The following INTS4 variants were observed in gnomAD, a reference collection of about 807,000 sequenced individuals.
INTS4 encodes MSTP093.
Under a neutral mutation model 119.5 loss-of-function variants are expected in INTS4, and 70 were observed. The observed-to-expected ratio is 0.59, with a 90% CI of 0.48 to 0.71. The LOEUF (loss-of-function observed/expected upper bound fraction) is 0.71, where lower values mean the gene tolerates loss of function less well. Ranked by LOEUF, INTS4 falls within the 30% of genes least tolerant of loss-of-function variation. The probability of loss-of-function intolerance (pLI) is 0.00; values close to 1 mark genes in which losing one functional copy is unlikely to be tolerated. For missense variants in INTS4, 867 were observed against 1,173.2 expected (o/e 0.74, Z 3.81); for synonymous variants, 316 against 419.6 (o/e 0.75, Z 3.02).
At chr11:77,976,666 G>C (rs530867165) in intron 4 of INTS4, among the ~76,000 whole-genome samples, 1 of 152,242 alleles carries the variant, frequency 6.6e-6, no homozygotes, top group East Asian at 1.9e-4. Context: ...GCAAAGACTT[G>C]GAACCAACCC....
chr11:77,972,997 T>C (rs1381439653), intron 4 of INTS4, among the ~76,000 whole-genome samples: 1 of 151,658 alleles, frequency 6.6e-6, no homozygotes, highest in Non-Finnish European at 1.5e-5. Context: ...AGTGCCACCA[T>C]ACCTGACTAA....
At chr11:77,898,698 G>C (rs898994813) in intron 18 of INTS4, among the ~76,000 whole-genome samples, 2 of 152,172 alleles carry the variant, frequency 1.3e-5, no homozygotes, top group East Asian at 3.8e-4. Flanking sequence ...TATAATGGAT[G>C]TGACAGACAC....
chr11:77,878,090 C>T (rs114915467), downstream of INTS4, among the ~76,000 whole-genome samples: 4 of 152,236 alleles, frequency 2.6e-5, no homozygotes, highest in South Asian at 4.1e-4. Flanking sequence ...AAGCAAGGCG[C>T]GGTTGCTCAC....
intron 1 of INTS4, among the ~76,000 whole-genome samples, chr11:77,993,171 T>A (rs1325423607): frequency 6.6e-6 from 1 of 152,210 alleles, no homozygotes; most frequent in Non-Finnish European, 1.5e-5. Context: ...GACACGGAGA[T>A]GAGCCAGGCA....
intron 18 of INTS4, among the ~76,000 whole-genome samples, chr11:77,896,867 G>A (rs1952547941): frequency 2.0e-5 from 3 of 150,450 alleles, no homozygotes; most frequent in African/African-American, 7.3e-5. Context: ...CCGAAGATCA[G>A]CAAGAATATT....
chr11:77,939,221 T>C (rs762408050), intron 9 of INTS4, among the ~76,000 whole-genome samples: 15 of 152,196 alleles, frequency 9.9e-5, no homozygotes, highest in Admixed American at 3.3e-4. Context: ...CTCACACCTG[T>C]AATCCCAGCA....
Position 77,918,834 on chromosome 11 carries a change from C to T in INTS4, c.1909G>A (p.Glu637Lys), listed in dbSNP as rs139356522. 1.2e-6 allele frequency: 2 copies of T among 1,613,190 alleles called. No individual in the cohort carries two copies. Among genetic ancestry groups the T allele is most frequent in the African/African-American group, 2.7e-5 (2 of 74,902 alleles). ...TGATTACCCTACCTGATGGTGAATT[C>T]CAGCAGCTCCTGGGCTCCCTGAGGG... is the stretch of plus-strand genomic sequence containing the variant. ...LDPQGAQELLEFTIRDLQRLG... is the reference protein window; with the variant it reads ...LDPQGAQELLKFTIRDLQRLG... The change falls in exon 15 of 23, where the codon GAA becomes AAA. Residue 637 changes from glutamate (E) to lysine (K), a missense_variant. Around this residue, in one of 5 missense-constraint regions of INTS4, gnomAD observed 262 missense variants for 376.0 expected, o/e 0.70. Transcript: ENST00000534064.
At chr11:77,900,370 A>G (rs1952736076) in intron 18 of INTS4, among the ~76,000 whole-genome samples, 1 of 152,170 alleles carries the variant, frequency 6.6e-6, no homozygotes, top group Non-Finnish European at 1.5e-5. Context: ...AAGTGCTGGG[A>G]TTACAGGTGT....
At chr11:77,956,544 T>C (rs1373411336) in intron 7 of INTS4, among the ~76,000 whole-genome samples, 2 of 151,810 alleles carry the variant, frequency 1.3e-5, no homozygotes, top group Admixed American at 6.6e-5. Flanking sequence ...TCCTCTCTAC[T>C]AAAAATATAA....
chr11:77,993,436 G>A lies in INTS4; in HGVS notation c.54+1154C>T, dbSNP rs938091489. 2.6e-5 allele frequency among the ~76,000 whole-genome samples: 4 copies of A among 152,276 alleles called. No individual in the cohort carries two copies. The East Asian group carries it at 7.7e-4, about 29-fold the overall frequency. ...GAGACAACCAGTGCAAGAGTTTTGA[G>A]ATATGCAAACACAAGAACACATGGC... On this transcript the variant is annotated intron_variant, in intron 1 of 22. Coordinates refer to ENST00000534064, the MANE Select transcript of INTS4 (RefSeq NM_033547.4).
At chr11:77,982,506 G>A (rs1057307504) in intron 2 of INTS4, among the ~76,000 whole-genome samples, 2 of 152,126 alleles carry the variant, frequency 1.3e-5, no homozygotes, top group African/African-American at 4.8e-5. Flanking sequence ...CTGTCTGAGT[G>A]TAAGTCTTGT....
chr11:77,932,964 G>T (rs190074298), intron 10 of INTS4, among the ~76,000 whole-genome samples: 8 of 146,642 alleles, frequency 5.5e-5, no homozygotes, highest in Non-Finnish European at 7.5e-5. Context: ...GTCAGGGGGT[G>T]GGGGGCTGGG....
chr11:77,983,887 C>T (rs746602302), intron 2 of INTS4, among the ~76,000 whole-genome samples: 1 of 152,002 alleles, frequency 6.6e-6, no homozygotes, highest in Non-Finnish European at 1.5e-5. Context: ...TGGGTATATA[C>T]TCAAAAAAAT....
At chr11:77,877,025 C>A, downstream of INTS4, 1 of 703,118 alleles carries the variant, frequency 1.4e-6, no homozygotes, top group South Asian at 1.5e-5. Flanking sequence ...AGCTTCATGG[C>A]ACATCCTTGA....
chr11:77,918,908 T>C lies in INTS4; in HGVS notation c.1835A>G (p.Gln612Arg). ...TCTTTCAAGGCTCTGCTGCAGGAAC[T>C]GCTGGGAAGGATCCTCTTGAGGTAT... ...SIIPQEDPSQQFLQQSLERVY... is the reference protein window; with the variant it reads ...SIIPQEDPSQRFLQQSLERVY... Residue 612 changes from glutamine to arginine, a missense_variant, in exon 15 of 23, where the codon CAG (glutamine) becomes CGG (arginine). Around this residue, in one of 5 missense-constraint regions of INTS4, gnomAD observed 262 missense variants for 376.0 expected, o/e 0.70. Coordinates refer to ENST00000534064, the MANE Select transcript of INTS4 (RefSeq NM_033547.4). 1.2e-6 allele frequency: 2 copies of C among 1,613,964 alleles called. No individual in the cohort carries two copies. The highest frequency in any genetic ancestry group is 1.7e-6 in the Non-Finnish European group (2 of 1,179,884).
intron 4 of INTS4, among the ~76,000 whole-genome samples, chr11:77,961,520 T>C (rs1954476561): frequency 6.6e-6 from 1 of 152,172 alleles, no homozygotes; most frequent in Non-Finnish European, 1.5e-5. Flanking sequence ...CATAGAAATA[T>C]GCAAAATCTT....
chr11:77,950,127 A>G (rs1051498395), intron 8 of INTS4, among the ~76,000 whole-genome samples: 5 of 152,122 alleles, frequency 3.3e-5, no homozygotes, highest in African/African-American at 1.2e-4. Flanking sequence ...ACAGAAAACC[A>G]AATACCGCAT....
chr11:77,916,360 C>G (rs183159452), intron 15 of INTS4, among the ~76,000 whole-genome samples: 2 of 152,314 alleles, frequency 1.3e-5, no homozygotes, highest in East Asian at 3.9e-4. Context: ...GGCTACAAAT[C>G]TGTACAGCAT....
At chr11:77,901,347 G>A (rs1952771464) in intron 18 of INTS4, 74 bp downstream of exon 18, 9 of 1,439,108 alleles carry the variant, frequency 6.3e-6, no homozygotes, top group South Asian at 1.2e-5. Context: ...ATTAACTTTC[G>A]TGTGATGTCT....
Sources: gnomAD v4.1 joint callset for allele counts (sites outside exome capture counted in the v4.1 genomes callset) on GRCh38, gnomAD v4.1.1 for gene constraint, gnomAD v4.1.1 regional missense constraint, MANE v1.5 for transcripts, NCBI Gene and HGNC (gene_info 2026-07-23, HGNC 2026-07-21) for gene names.